ZNF326: variants seen among roughly 807,000 people sequenced by gnomAD.
ZNF326 encodes the protein zinc finger protein 326.
Under a neutral mutation model 63.1 loss-of-function variants are expected in ZNF326, and 30 were observed. The observed-to-expected ratio is 0.48, with a 90% CI of 0.36 to 0.64. ZNF326 has a LOEUF of 0.64. Among genes scored for constraint, ZNF326 ranks in the 30% least tolerant of loss-of-function variants. The pLI, the probability that ZNF326 is intolerant of heterozygous loss-of-function variation, is 0.00. For missense variants in ZNF326, 609 were observed against 720.3 expected, an observed-to-expected ratio of 0.85 and a Z score of 1.77; for synonymous variants, 194 against 228.2, an observed-to-expected ratio of 0.85 and a Z score of 1.35.
At chr1:89,996,101 C>A (rs763991081) in intron 1 of ZNF326, among the ~76,000 whole-genome samples, 1 of 152,178 alleles carries the variant, frequency 6.6e-6, no homozygotes, top group Non-Finnish European at 1.5e-5. Context: ...ATTCTTTAAA[C>A]CACTTTTACA....
chr1:90,027,621 G>C lies in ZNF326; in HGVS notation c.1669G>C (p.Glu557Gln). 6.2e-7 allele frequency: 1 copy of C among 1,613,632 alleles called. No homozygotes were observed. Among genetic ancestry groups the C allele is most frequent in the East Asian group, 2.2e-5 (1 of 44,826 alleles). Residue 557 changes from glutamate to glutamine, a missense_variant, in exon 12 of 12, where the codon GAG (glutamate) becomes CAG (glutamine). Glu to Gln is a conservative substitution (Grantham distance 29). This residue lies in a region of ZNF326 where 399 missense variants were observed against 444.3 expected (regional missense o/e 0.90). Transcript: ENST00000340281. ...AGAAGTAGAGGGAGTGGGGGAAGTAGAGGAAGTAGAGGAATTAGAGGAAGA... is the reference window on the plus strand; with the variant it reads ...AGAAGTAGAGGGAGTGGGGGAAGTACAGGAAGTAGAGGAATTAGAGGAAGA... ...VGEVEGVGEV[E>Q]EVEELEEETA...
intron 8 of ZNF326, among the ~76,000 whole-genome samples, chr1:90,018,233 A>G (rs1026631558): frequency 6.6e-6 from 1 of 151,616 alleles, no homozygotes. Context: ...CAGAGGTTGC[A>G]GTGAGCAGAG....
At chr1:90,022,413 T>C in intron 11 of ZNF326, 68 bp downstream of exon 11, 3 of 1,141,878 alleles carry the variant, frequency 2.6e-6, no homozygotes, top group Non-Finnish European at 3.9e-6. Flanking sequence ...GGTGACATAG[T>C]AACCTTTTGT....
chr1:89,995,117 CTG>C lies in ZNF326; in HGVS notation c.-138_-137del. ...GGTCGGCCCCGCCTCCCCAGCCTCGCTGTGGCCTGCGGCTCCCGGGCTGGTAG... is the reference window on the plus strand; with the variant it reads ...GGTCGGCCCCGCCTCCCCAGCCTCGCTGGCCTGCGGCTCCCGGGCTGGTAG... On this transcript the variant is annotated 5_prime_UTR_variant, in exon 1 of 12. Coordinates refer to ENST00000340281, the MANE Select transcript of ZNF326 (RefSeq NM_182976.4). The C allele has an allele frequency of 1.9e-6, 2 of 1,048,834 alleles. No individual in the cohort carries two copies. Among genetic ancestry groups the C allele is most frequent in the Non-Finnish European group, 2.7e-6 (2 of 739,132 alleles). 65.0% of individuals were successfully genotyped at this position (1,048,834 alleles called of 1,614,324 possible).
chr1:90,029,421 C>T lies in ZNF326; in HGVS notation c.*1720C>T, dbSNP rs779358713. 1 of 151,918 alleles carries T rather than the reference C, an allele frequency of 6.6e-6. No individual in the cohort carries two copies. Among genetic ancestry groups the T allele is most frequent in the Non-Finnish European group, 1.5e-5 (1 of 67,992 alleles). The allele number at this position is 151,918 out of a possible 1,614,324, so 9.4% of individuals were successfully genotyped here. A position where few individuals can be genotyped will look rare whatever the true frequency, so the allele number is the denominator to read the frequency against. On this transcript the variant is annotated 3_prime_UTR_variant, in exon 12 of 12. Coordinates refer to ENST00000340281, the MANE Select transcript of ZNF326 (RefSeq NM_182976.4). ...AAGACTAGATAAATTTGGATACTAT[C>T]TAGGAGTCTGTATTTACTTAGCAGG...
chr1:90,032,299 G>A lies in ZNF326; in HGVS notation c.*4598G>A, dbSNP rs1194143187. On this transcript the variant is annotated 3_prime_UTR_variant, in exon 12 of 12. Coordinates refer to ENST00000340281, the MANE Select transcript of ZNF326 (RefSeq NM_182976.4). Reference sequence around the variant, plus strand: ...AAAGTTGAAAAATATTATATTAGGGGTCAGGGTGAGGTGCTGTTGATGGTG... The same window carrying A: ...AAAGTTGAAAAATATTATATTAGGGATCAGGGTGAGGTGCTGTTGATGGTG... 1 of 152,382 alleles carries A rather than the reference G, an allele frequency of 6.6e-6. No homozygotes were observed. The highest frequency in any genetic ancestry group is 1.5e-5 in the Non-Finnish European group (1 of 68,054). The allele number at this position is 152,382 out of a possible 1,614,324, so 9.4% of individuals were successfully genotyped here. A position where few individuals can be genotyped will look rare whatever the true frequency, so the allele number is the denominator to read the frequency against.
At chr1:90,025,033 C>G (rs1570322552) in intron 11 of ZNF326, among the ~76,000 whole-genome samples, 1 of 148,840 alleles carries the variant, frequency 6.7e-6, no homozygotes, top group Non-Finnish European at 1.5e-5. Flanking sequence ...TATGAGTTCC[C>G]TAAACCAAAA....
intron 4 of ZNF326, chr1:90,005,844 A>G (rs1343891196): frequency 6.1e-6 from 6 of 985,462 alleles, no homozygotes; most frequent in Middle Eastern, 1.0e-3. Context: ...CTAGGCTAGA[A>G]GCATTGTATT....
chr1:90,007,952 A>G lies in ZNF326; in HGVS notation c.615+202A>G, dbSNP rs989115736. On this transcript the variant is annotated intron_variant, in intron 5 of 11. Transcript: ENST00000340281. The surrounding 1 kb of genome is among the most constrained non-coding windows in gnomAD (Gnocchi z 4.9). ...ATAAGTGGCAGTTTGAGATGATCAT[A>G]AAGTTGTGCCAAATCTCCCTTTATT... 6.6e-6 allele frequency among the ~76,000 whole-genome samples: 1 copy of G among 152,190 alleles called. No homozygotes were observed. The highest frequency in any genetic ancestry group is 1.5e-5 in the Non-Finnish European group (1 of 68,032).
Position 89,995,200 on chromosome 1 carries a change from C to G in ZNF326, c.-58C>G, listed in dbSNP as rs1199848878. ...TGTGGAATCGCGGGTCGCGGACGCT[C>G]GCCGCCGGCCATAGCTCAGCCTAGC... On this transcript the variant is annotated 5_prime_UTR_variant, in exon 1 of 12. Transcript: ENST00000340281. The G allele has an allele frequency of 1.3e-6, 2 of 1,523,144 alleles. No homozygotes were observed. Among genetic ancestry groups the G allele is most frequent in the African/African-American group, 1.4e-5 (1 of 69,664 alleles). 94.4% of individuals were successfully genotyped at this position (1,523,144 alleles called of 1,614,324 possible).
chr1:90,016,492 G>A (rs1476797498), intron 7 of ZNF326, among the ~76,000 whole-genome samples: 21 of 152,140 alleles, frequency 1.4e-4, no homozygotes, highest in Non-Finnish European at 2.6e-4. Flanking sequence ...GAGGCAGGCA[G>A]ATCACCTGAG....
intron 11 of ZNF326, among the ~76,000 whole-genome samples, chr1:90,022,777 AGAACAGAC>A (rs1649838405): frequency 2.0e-5 from 3 of 152,240 alleles, no homozygotes; most frequent in African/African-American, 7.2e-5. Flanking sequence ...CACATGGCAT[AGAACAGAC>A]TAGGATGTAC....
In ZNF326 at chr1:90,017,323, A is replaced by G. The variant is rs746614900; in HGVS notation, c.933A>G (p.Ala311=). The G allele has an allele frequency of 3.1e-6, 5 of 1,592,180 alleles. No homozygotes were observed. The highest frequency in any genetic ancestry group is 4.3e-6 in the Non-Finnish European group (5 of 1,172,846). Reference sequence around the variant, plus strand: ...ACTTTTTTTTCTCTTACAGAATGGCATTTACATGTTCATTTTGTAAATTTC... The same window carrying G: ...ACTTTTTTTTCTCTTACAGAATGGCGTTTACATGTTCATTTTGTAAATTTC... ...SEKYGDGYRM[A]FTCSFCKFRT... is the part of the protein sequence containing the mutation. Residue 311 remains alanine, a synonymous_variant, in exon 8 of 12, where the codon GCA becomes GCG. Transcript: ENST00000340281.
chr1:90,005,870 A>G, intron 4 of ZNF326: 1 of 985,488 alleles, frequency 1.0e-6, no homozygotes, highest in Non-Finnish European at 1.2e-6. Flanking sequence ...CATGAATACT[A>G]TACCTTTGAC....
At position 90,006,529 on chromosome 1, in the gene ZNF326, A is replaced by T. The variant is rs190027695; in HGVS notation, c.210-816A>T. On this transcript the variant is annotated intron_variant, in intron 4 of 11. Transcript: ENST00000340281. The stretch of plus-strand genomic sequence containing the variant: ...TTAACTCTCTTAAAACCTCGAGGAG[A>T]CTGTGTGCTCCCTTTTTTAGGGTAG... 3.2e-6 allele frequency: 3 copies of T among 947,582 alleles called. No homozygotes were observed. The African/African-American group carries it at 5.3e-5, about 17-fold the overall frequency. 58.7% of individuals were successfully genotyped at this position (947,582 alleles called of 1,614,324 possible).
intron 1 of ZNF326, among the ~76,000 whole-genome samples, chr1:89,996,776 A>G (rs1026465610): frequency 2.6e-5 from 4 of 152,204 alleles, no homozygotes; most frequent in Admixed American, 2.6e-4. Context: ...CAAAACAAAA[A>G]ACTATGAATA....
intron 1 of ZNF326, among the ~76,000 whole-genome samples, chr1:89,997,113 A>G (rs1261616576): frequency 6.6e-6 from 1 of 152,236 alleles, no homozygotes; most frequent in African/African-American, 2.4e-5. Context: ...CCACTGCTGT[A>G]TTTGGAAGAT....
intron 2 of ZNF326, among the ~76,000 whole-genome samples, chr1:90,002,792 T>C (rs1018527741): frequency 3.9e-5 from 6 of 152,206 alleles, no homozygotes; most frequent in African/African-American, 1.4e-4. Context: ...TTTTGTACTG[T>C]TATATTAAAA....
intron 11 of ZNF326, 46 bp from the exon 12 acceptor site, chr1:90,027,304 CATGT>C: frequency 6.4e-7 from 1 of 1,552,992 alleles, no homozygotes; most frequent in South Asian, 1.2e-5. Context: ...CTTGCCAGAT[CATGT>C]AATAATGAAT....
Sources: gnomAD v4.1 joint callset for allele counts (sites outside exome capture counted in the v4.1 genomes callset) on GRCh38, gnomAD v4.1.1 for gene constraint, gnomAD v4.1.1 regional missense constraint, Gnocchi (gnomAD v3.1) non-coding constraint, MANE v1.5 for transcripts, NCBI Gene and HGNC (gene_info 2026-07-23, HGNC 2026-07-21) for gene names.